Variants in NBPF9 observed in about 807,000 individuals in gnomAD.
The protein encoded by NBPF9 is NBPF family member NBPF9.
A neutral mutation model predicts 97.8 loss-of-function variants in NBPF9; 91 were observed. The ratio of observed to expected loss-of-function variants is 0.93; its 90% CI spans 0.79 to 1.11. The LOEUF is 1.11. Ranked by LOEUF, NBPF9 falls within the 50% of genes least tolerant of loss-of-function variation. NBPF9 has a pLI of 0.00. For missense variants in NBPF9, 992 were observed against 939.5 expected, an observed-to-expected ratio of 1.06 and a Z score of -0.73; for synonymous variants, 334 against 359.5, an observed-to-expected ratio of 0.93 and a Z score of 0.80.
chr1:149,084,994 C>T (rs1459082526), intron 5 of NBPF9, among the ~76,000 whole-genome samples: 2 of 151,960 alleles, frequency 1.3e-5, no homozygotes, highest in African/African-American at 2.4e-5. Flanking sequence ...AAATGGCCTC[C>T]CACCTTCAGC....
chr1:149,087,184 C>T (rs587613402), intron 5 of NBPF9, among the ~76,000 whole-genome samples: 298 of 151,880 alleles, frequency 2.0e-3, no homozygotes, highest in African/African-American at 6.8e-3. Flanking sequence ...TCTGAAGTAT[C>T]TAAGTCTTTT....
intron 3 of NBPF9, among the ~76,000 whole-genome samples, chr1:149,099,345 T>C (rs2081995337): frequency 1.3e-5 from 2 of 152,232 alleles, no homozygotes; most frequent in African/African-American, 4.8e-5. Context: ...GACATTTCCT[T>C]TTATGTCAGG....
intron 5 of NBPF9, among the ~76,000 whole-genome samples, chr1:149,087,363 A>G (rs59462836): frequency 9.6e-4 from 142 of 147,958 alleles, no homozygotes; most frequent in African/African-American, 2.8e-3. Context: ...TTGTGTGTGT[A>G]TGTGTGTATA....
rs782120142 is a variant in NBPF9 at position 149,081,984 on chromosome 1, G to A, written c.156C>T (p.Ala52=). ...TCTTACTGTATTTCTTCTGTCGGTTGGCCAGGAAGCCGGCCAGTTGAGTTA... is the reference window on the plus strand; with the variant it reads ...TCTTACTGTATTTCTTCTGTCGGTTAGCCAGGAAGCCGGCCAGTTGAGTTA... Residue 52 remains alanine (A), a synonymous_variant, in exon 7 of 30, where the codon GCC becomes GCT. Coordinates refer to ENST00000584027, the Ensembl canonical transcript of NBPF9. 11 of 1,598,818 alleles carry A rather than the reference G, an allele frequency of 6.9e-6. No homozygotes were observed. In the East Asian group the frequency reaches 2.5e-4, roughly 36 times the overall value.
intron 7 of NBPF9, among the ~76,000 whole-genome samples, chr1:149,080,586 G>A (rs1391313856): frequency 7.3e-5 from 11 of 150,928 alleles, no homozygotes; most frequent in African/African-American, 2.4e-4. Flanking sequence ...GGTATTTCAA[G>A]GACAAATATG....
intron 4 of NBPF9, among the ~76,000 whole-genome samples, chr1:149,096,148 A>G (rs1198744883): frequency 8.0e-5 from 12 of 150,340 alleles, no homozygotes; most frequent in African/African-American, 2.7e-4. Context: ...ACATTCTTGG[A>G]AAGTCAAAAA....
At chr1:149,101,727 G>A (rs1216906941) in intron 2 of NBPF9, among the ~76,000 whole-genome samples, 2 of 152,078 alleles carry the variant, frequency 1.3e-5, no homozygotes, top group Admixed American at 1.3e-4. Context: ...GCATCAGCAA[G>A]GATGTGGGGT....
intron 6 of NBPF9, 42 bp from the exon 7 acceptor site, chr1:149,082,216 G>A: frequency 6.4e-7 from 1 of 1,558,120 alleles, no homozygotes. Flanking sequence ...TTAAAAACTG[G>A]TGAAATCAAA....
In NBPF9 at chr1:149,057,806, C is replaced by T. The variant is rs1402530132; in HGVS notation, c.2811-299G>A. Among the ~76,000 whole-genome samples, 652 of 90,474 alleles carry T rather than the reference C, an allele frequency of 7.2e-3. 2 individuals are homozygous for T. Among genetic ancestry groups the T allele is most frequent in the African/African-American group, 0.031 (607 of 19,462 alleles). 59.4% of individuals were successfully genotyped at this position (90,474 alleles called of 152,430 possible). The stretch of plus-strand genomic sequence containing the variant: ...CTCAGTGAATTGTCCAGGTGACACA[C>T]TGATGAGGGAGTAACAGGACACTCT... On this transcript the variant is annotated intron_variant, in intron 27 of 29. Coordinates refer to ENST00000584027, the Ensembl canonical transcript of NBPF9.
chr1:149,077,769 C>T, intron 10 of NBPF9, 114 bp downstream of exon 10: 3 of 1,447,568 alleles, frequency 2.1e-6, no homozygotes, highest in Non-Finnish European at 2.9e-6. Flanking sequence ...ATTTCACATA[C>T]TGTGGCCAAG....
intron 28 of NBPF9, 117 bp from the exon 29 acceptor site, chr1:149,056,737 T>C (rs370734513): frequency 8.2e-4 from 5 of 6,094 alleles, no homozygotes; most frequent in South Asian, 1.2e-3. Flanking sequence ...AATAGGACAC[T>C]GTGAGAGATA....
At chr1:149,082,242 C>T in intron 6 of NBPF9, 30 bp downstream of exon 6, 1 of 1,298,060 alleles carries the variant, frequency 7.7e-7, no homozygotes, top group Non-Finnish European at 1.1e-6. Flanking sequence ...TTAATCAGGA[C>T]TGAGGGATGT....
chr1:149,063,058 A>T, intron 20 of NBPF9, 145 bp from the exon 21 acceptor site: 1 of 565,354 alleles, frequency 1.8e-6, no homozygotes, highest in Non-Finnish European at 3.1e-6. Context: ...GGAGGCCTGA[A>T]GGCTGATCAC....
At chr1:149,068,930 C>G (rs1338366301) in intron 17 of NBPF9, among the ~76,000 whole-genome samples, 8 of 150,756 alleles carry the variant, frequency 5.3e-5, no homozygotes, top group Non-Finnish European at 8.9e-5. Flanking sequence ...AACTGTCAGA[C>G]CACAGTGCAA....
intron 5 of NBPF9, among the ~76,000 whole-genome samples, chr1:149,086,241 T>C (rs2080987746): frequency 6.7e-6 from 1 of 150,168 alleles, no homozygotes; most frequent in African/African-American, 2.4e-5. Context: ...AACAACTGTT[T>C]CAGTACCGAC....
intron 17 of NBPF9, among the ~76,000 whole-genome samples, chr1:149,068,913 C>G (rs1300463848): frequency 6.6e-6 from 1 of 151,182 alleles, no homozygotes; most frequent in African/African-American, 2.4e-5. Flanking sequence ...GAATGGAAAT[C>G]ACAACAAACT....
chr1:149,086,229 C>G (rs1463417004), intron 5 of NBPF9, among the ~76,000 whole-genome samples: 187 of 144,080 alleles, frequency 1.3e-3, no homozygotes, highest in African/African-American at 4.5e-3. Flanking sequence ...ACAGGCCTCC[C>G]TAACAACTGT....
intron 5 of NBPF9, among the ~76,000 whole-genome samples, chr1:149,086,238 G>A (rs1470179691): frequency 1.4e-5 from 2 of 147,146 alleles, no homozygotes; most frequent in African/African-American, 2.5e-5. Flanking sequence ...CCTAACAACT[G>A]TTTCAGTACC....
exon 30 of NBPF9, chr1:149,055,394 C>T (rs1440661531): frequency 3.1e-5 from 20 of 650,356 alleles, no homozygotes; most frequent in Admixed American, 9.1e-5. Context: ...CCCAGAGATA[C>T]GTGGTTCAAA....
Sources: gnomAD v4.1 joint callset for allele counts (sites outside exome capture counted in the v4.1 genomes callset) on GRCh38, gnomAD v4.1.1 for gene constraint, MANE v1.5 for transcripts, NCBI Gene and HGNC (gene_info 2026-07-23, HGNC 2026-07-21) for gene names.